Variants in UHRF1 observed in about 807,000 individuals in gnomAD.
The protein encoded by UHRF1 is ubiquitin like with PHD and ring finger domains 1.
Under a neutral mutation model 96.5 loss-of-function variants are expected in UHRF1, and 9 were observed. The ratio of observed to expected loss-of-function variants is 0.09; its 90% CI spans 0.06 to 0.16. UHRF1 has a LOEUF of 0.16. UHRF1 is among the 10% of genes least tolerant of loss of function. UHRF1 has a pLI of 1.00. For missense variants in UHRF1, 626 were observed against 1,131.1 expected, an observed-to-expected ratio of 0.55 and a Z score of 6.40; for synonymous variants, 455 against 469.9, an observed-to-expected ratio of 0.97 and a Z score of 0.41.
intron 5 of UHRF1, among the ~76,000 whole-genome samples, chr19:4,937,036 A>AT (rs554411973): frequency 0.15 from 22,831 of 148,016 alleles, 1,966 homozygotes; most frequent in Non-Finnish European, 0.21. Context: ...GCAAGCAATA[A>AT]TTTTTTTTTT....
chr19:4,954,916 C>T lies in UHRF1; in HGVS notation c.2130+94C>T. On this transcript the variant is annotated intron_variant, in intron 15 of 16. Coordinates refer to ENST00000650932, the MANE Select transcript of UHRF1 (RefSeq NM_001048201.3). This position sits in a 1 kb window ranked among gnomAD's most constrained non-coding sequence, Gnocchi z 5.9. ...CCCATGTTCCCCATTTTCAAGTGTA[C>T]AGCTCAGTCGCACTGAGTACATTCT... 1 of 1,492,986 alleles carries T rather than the reference C, an allele frequency of 6.7e-7. No individual in the cohort carries two copies. Among genetic ancestry groups the T allele is most frequent in the Non-Finnish European group, 9.2e-7 (1 of 1,090,434 alleles). The allele number at this position is 1,492,986 out of a possible 1,614,324, so 92.5% of individuals were successfully genotyped here.
intron 11 of UHRF1, among the ~76,000 whole-genome samples, chr19:4,950,355 T>A (rs1382274484): frequency 2.0e-5 from 3 of 151,726 alleles, no homozygotes; most frequent in Non-Finnish European, 4.4e-5. Flanking sequence ...GCGATTCTCC[T>A]GCCTCAGCCT....
chr19:4,944,513 T>G, intron 9 of UHRF1, 63 bp downstream of exon 9: 1 of 1,583,830 alleles, frequency 6.3e-7, no homozygotes, highest in East Asian at 2.2e-5. Flanking sequence ...CTGGGGGCAG[T>G]TTCTCCTGGC....
At chr19:4,908,342 C>T (rs566251937), upstream of UHRF1, among the ~76,000 whole-genome samples, 6 of 152,184 alleles carry the variant, frequency 3.9e-5, no homozygotes, top group East Asian at 7.7e-4. Context: ...AATAGAGTGA[C>T]GAAGAAACTG....
At chr19:4,937,474 G>A (rs2033252034) in intron 5 of UHRF1, among the ~76,000 whole-genome samples, 2 of 151,990 alleles carry the variant, frequency 1.3e-5, no homozygotes, top group African/African-American at 4.8e-5. Flanking sequence ...CGATTCTCCT[G>A]CCTCAGCCTC....
chr19:4,938,976 C>A (rs908675869), intron 5 of UHRF1, among the ~76,000 whole-genome samples: 1 of 151,440 alleles, frequency 6.6e-6, no homozygotes, highest in Non-Finnish European at 1.5e-5. Flanking sequence ...TGCAGTGGCA[C>A]GATCTTGGTT....
chr19:4,956,641 G>C, intron 15 of UHRF1, 68 bp from the exon 16 acceptor site: 1 of 966,448 alleles, frequency 1.0e-6, no homozygotes, highest in Non-Finnish European at 1.6e-6. Context: ...ATGCTCAGCA[G>C]GAAGCCACTG....
upstream of UHRF1, among the ~76,000 whole-genome samples, chr19:4,905,792 C>T (rs553872093): frequency 6.6e-6 from 1 of 152,184 alleles, no homozygotes. Flanking sequence ...TCTGGGATTA[C>T]AGGCGTGAGC....
chr19:4,959,313 G>C (rs1030174016), intron 16 of UHRF1, among the ~76,000 whole-genome samples: 1 of 152,088 alleles, frequency 6.6e-6, no homozygotes, highest in Non-Finnish European at 1.5e-5. Context: ...CTGGGCGACA[G>C]AGCGAGACTC....
At chr19:4,951,797 C>T (rs1356362285) in intron 13 of UHRF1, among the ~76,000 whole-genome samples, 2 of 151,996 alleles carry the variant, frequency 1.3e-5, no homozygotes, top group Non-Finnish European at 2.9e-5. Flanking sequence ...CGAGCCATCT[C>T]TCACCTCCCT....
intron 4 of UHRF1, among the ~76,000 whole-genome samples, chr19:4,932,183 A>T (rs1420278250): frequency 1.3e-5 from 2 of 152,154 alleles, no homozygotes; most frequent in Non-Finnish European, 2.9e-5. Flanking sequence ...TCAGCCTCCC[A>T]AAGTGCTGGG....
chr19:4,945,836 A>G (rs1208947312), intron 9 of UHRF1, 25 bp from the exon 10 acceptor site: 22 of 1,581,864 alleles, frequency 1.4e-5, no homozygotes, highest in Middle Eastern at 4.5e-4. Context: ...AGAGGACACC[A>G]TGTATATCTT....
rs775038104 is a variant in UHRF1, at chr19:4,929,436, A to G, written c.368A>G (p.Asp123Gly). The change falls in exon 3 of 17, where the codon GAT (aspartate) becomes GGT (glycine). Residue 123 changes from aspartate to glycine, a missense_variant. Transcript: ENST00000650932. Reference protein sequence around the residue: ...AAAETDSRPADEDMWDETELG... With the variant: ...AAAETDSRPAGEDMWDETELG... ...GCCGAGACTGACAGCAGGCCAGCCG[A>G]TGAGGACATGTGGGATGAGACGGAA... 6.2e-7 allele frequency: 1 copy of G among 1,613,534 alleles called. No homozygotes were observed. The highest frequency in any genetic ancestry group is 2.2e-5 in the East Asian group (1 of 44,832).
At chr19:4,917,941 A>G (rs1424657703) in intron 2 of UHRF1, among the ~76,000 whole-genome samples, 1 of 151,958 alleles carries the variant, frequency 6.6e-6, no homozygotes, top group Admixed American at 6.6e-5. Context: ...GACTACAAGC[A>G]TGAGCTATTG....
At chr19:4,952,313 T>C (rs1291747101) in intron 13 of UHRF1, among the ~76,000 whole-genome samples, 1 of 150,834 alleles carries the variant, frequency 6.6e-6, no homozygotes, top group Admixed American at 6.6e-5. Flanking sequence ...AGGCTGGTCT[T>C]GAACTCCTGA....
At chr19:4,946,030 A>G in intron 10 of UHRF1, 65 bp downstream of exon 10, 2 of 1,273,388 alleles carry the variant, frequency 1.6e-6, no homozygotes, top group Non-Finnish European at 2.2e-6. Flanking sequence ...GGTAAAATAC[A>G]TAGAACAAAA....
intron 2 of UHRF1, among the ~76,000 whole-genome samples, chr19:4,922,308 C>G (rs1031981038): frequency 6.6e-6 from 1 of 151,770 alleles, no homozygotes; most frequent in Non-Finnish European, 1.5e-5. Flanking sequence ...CTCTGTTGCC[C>G]GGACTGGAGT....
At chr19:4,944,080 G>C in intron 7 of UHRF1, 52 bp from the exon 8 acceptor site, 1 of 1,605,432 alleles carries the variant, frequency 6.2e-7, no homozygotes, top group Non-Finnish European at 8.5e-7. Flanking sequence ...GCACATGTTG[G>C]CTGAGACATC....
rs1213086662 is a variant in UHRF1 at position 4,960,768 on chromosome 19, A to G, written c.2347A>G (p.Asn783Asp). The G allele has an allele frequency of 6.3e-7, 1 of 1,577,016 alleles. No homozygotes were observed. The highest frequency in any genetic ancestry group is 1.4e-5 in the African/African-American group (1 of 73,278). The change falls in exon 17 of 17, where the codon AAC becomes GAC. Residue 783 changes from asparagine to aspartate, a missense_variant. Asn to Asp is a conservative substitution (Grantham distance 23). Coordinates refer to ENST00000650932, the MANE Select transcript of UHRF1 (RefSeq NM_001048201.3). ...QVNQPLQTVL[N>D]QLFPGYGNGR ...GAACCAGCCTCTGCAGACCGTCCTC[A>G]ACCAGCTCTTCCCCGGCTACGGCAA...
Sources: allele counts gnomAD v4.1 joint callset (sites outside exome capture counted in the v4.1 genomes callset), GRCh38; gene constraint gnomAD v4.1.1; non-coding constraint Gnocchi (gnomAD v3.1); transcripts MANE v1.5; gene names NCBI Gene and HGNC (gene_info 2026-07-23, HGNC 2026-07-21).